The following GPR158 variants were observed in gnomAD, a reference collection of about 807,000 sequenced individuals.
GPR158 encodes the protein G protein-coupled receptor 158, also known as metabotropic glycine receptor.
A neutral mutation model predicts 78.2 loss-of-function variants in GPR158; 30 were observed. That is an observed-to-expected ratio of 0.38 (90% confidence interval 0.29 to 0.52). The LOEUF (loss-of-function observed/expected upper bound fraction) is 0.52, where lower values mean the gene tolerates loss of function less well. Among genes scored for constraint, GPR158 ranks in the 20% least tolerant of loss-of-function variants. The pLI, the probability that GPR158 is intolerant of heterozygous loss-of-function variation, is 0.83. For missense variants in GPR158, 1,463 were observed against 1,523.5 expected (o/e 0.96, Z 0.66); for synonymous variants, 581 against 591.1 (o/e 0.98, Z 0.25).
At chr10:25,197,141 C>G (rs1852854666) in intron 1 of GPR158, among the ~76,000 whole-genome samples, 1 of 152,190 alleles carries the variant, frequency 6.6e-6, no homozygotes, top group African/African-American at 2.4e-5. Context: ...ATGATCTGTT[C>G]ACTATTTTAA....
In GPR158 at chr10:25,594,415, CT is replaced by C. The variant is rs137902206; in HGVS notation, c.1998+28del. On this transcript the variant is annotated intron_variant, in intron 9 of 10. Coordinates refer to ENST00000376351, the MANE Select transcript of GPR158 (RefSeq NM_020752.3). ...TTCCAAAGGTATTCTTCTAATATTA[CT>C]TTTTTTTTTGCAAAACTTATTTTTA... 9,931 of 1,028,584 alleles carry C rather than the reference CT, an allele frequency of 9.7e-3. 27 individuals carry two copies. Among genetic ancestry groups the C allele is most frequent in the African/African-American group, 0.035 (2,065 of 59,850 alleles). The allele number at this position is 1,028,584 out of a possible 1,614,324, so 63.7% of individuals were successfully genotyped here. A position where few individuals can be genotyped will look rare whatever the true frequency, so the allele number is the denominator to read the frequency against.
intron 3 of GPR158, among the ~76,000 whole-genome samples, chr10:25,399,154 C>T (rs569784567): frequency 3.9e-5 from 6 of 151,964 alleles, no homozygotes; most frequent in East Asian, 1.9e-4. Context: ...GAATGAGTGT[C>T]GAGCGAAGGG....
At chr10:25,212,874 C>G (rs1265985542) in intron 1 of GPR158, among the ~76,000 whole-genome samples, 1 of 152,142 alleles carries the variant, frequency 6.6e-6, no homozygotes, top group Non-Finnish European at 1.5e-5. Context: ...TTGTGATCCA[C>G]CCGCCTTGGC....
intron 7 of GPR158, among the ~76,000 whole-genome samples, chr10:25,580,969 C>G (rs1837189017): frequency 7.9e-6 from 1 of 125,902 alleles, no homozygotes; most frequent in Non-Finnish European, 1.7e-5. Flanking sequence ...CCAGGCCAGA[C>G]TGCGGACTGC....
intron 2 of GPR158, among the ~76,000 whole-genome samples, chr10:25,260,295 G>GGC (rs2130732758): frequency 6.6e-6 from 1 of 152,148 alleles, no homozygotes; most frequent in Non-Finnish European, 1.5e-5. Flanking sequence ...CCTTCAAGGA[G>GGC]GCTAATTTTG....
At chr10:25,351,433 G>A (rs938317902) in intron 2 of GPR158, among the ~76,000 whole-genome samples, 1 of 151,242 alleles carries the variant, frequency 6.6e-6, no homozygotes, top group African/African-American at 2.4e-5. Flanking sequence ...GTTGGGGGTG[G>A]GGGGGTGCTG....
intron 1 of GPR158, among the ~76,000 whole-genome samples, chr10:25,183,020 C>G (rs1017961800): frequency 2.6e-5 from 4 of 152,208 alleles, no homozygotes; most frequent in African/African-American, 9.7e-5. Flanking sequence ...TTTCCCAGCA[C>G]AGCAATGTCA....
intron 5 of GPR158, among the ~76,000 whole-genome samples, chr10:25,495,155 T>A (rs1350999335): frequency 6.6e-6 from 1 of 152,012 alleles, no homozygotes; most frequent in African/African-American, 2.4e-5. Context: ...CTAACTTTTT[T>A]TTTTTTTTTA....
At position 25,580,986 on chromosome 10, in the gene GPR158, G is replaced by A. The variant is rs1220350451; in HGVS notation, c.1754-8021G>A. Reference sequence around the variant, plus strand: ...AGGCCAGACTGCGGACTGCAGTGGCGCAATCTCGGCTCACTGCAAGCTCCG... The same window carrying A: ...AGGCCAGACTGCGGACTGCAGTGGCACAATCTCGGCTCACTGCAAGCTCCG... On this transcript the variant is annotated intron_variant, in intron 7 of 10. Coordinates refer to ENST00000376351, the MANE Select transcript of GPR158 (RefSeq NM_020752.3). 6.9e-5 allele frequency among the ~76,000 whole-genome samples: 10 copies of A among 145,216 alleles called. No homozygotes were observed. The East Asian group carries it at 1.4e-3, about 20-fold the overall frequency.
chr10:25,560,561 A>G (rs1054591129), intron 6 of GPR158, among the ~76,000 whole-genome samples: 1 of 152,194 alleles, frequency 6.6e-6, no homozygotes, highest in Non-Finnish European at 1.5e-5. Context: ...CATTGCGCCC[A>G]TCCTAAAATA....
intron 1 of GPR158, among the ~76,000 whole-genome samples, chr10:25,206,704 A>G (rs1853043223): frequency 6.6e-6 from 1 of 152,080 alleles, no homozygotes; most frequent in African/African-American, 2.4e-5. Context: ...CTGTAGCACT[A>G]TTCTTACTGG....
intron 1 of GPR158, among the ~76,000 whole-genome samples, chr10:25,214,618 A>G (rs988004278): frequency 6.6e-6 from 1 of 152,096 alleles, no homozygotes; most frequent in Non-Finnish European, 1.5e-5. Context: ...CAAAATTGAT[A>G]TGTTGCACTC....
At chr10:25,466,748 A>G in intron 5 of GPR158, 29 bp downstream of exon 5, 1 of 1,314,958 alleles carries the variant, frequency 7.6e-7, no homozygotes, top group South Asian at 1.2e-5. Context: ...TTTTTAAAGT[A>G]GAAATTTATT....
chr10:25,430,689 G>A (rs1834890046), intron 4 of GPR158, among the ~76,000 whole-genome samples: 1 of 143,852 alleles, frequency 7.0e-6, no homozygotes, highest in African/African-American at 2.6e-5. Flanking sequence ...ACAGAACAGA[G>A]CCCTCAGAAA....
chr10:25,175,775 C>T lies in GPR158; in HGVS notation c.355C>T (p.His119Tyr), dbSNP rs1462036313. Residue 119 changes from histidine to tyrosine, a missense_variant, in exon 1 of 11, where the codon CAC (histidine) becomes TAC (tyrosine). Transcript: ENST00000376351. This position sits in a 1 kb window ranked among gnomAD's most constrained non-coding sequence, Gnocchi z 6.4. ...GAAGTGGCCAGCCCTGGCCAGCGCG[C>T]ACCCCTCCTTGCACCGGGCGCTGGA... ...PGKWPALASA[H>Y]PSLHRALDTL... 1 of 1,611,174 alleles carries T rather than the reference C, an allele frequency of 6.2e-7. No individual in the cohort carries two copies. Among genetic ancestry groups the T allele is most frequent in the East Asian group, 2.2e-5 (1 of 44,860 alleles).
At chr10:25,180,008 T>C (rs1852594373) in intron 1 of GPR158, among the ~76,000 whole-genome samples, 1 of 152,204 alleles carries the variant, frequency 6.6e-6, no homozygotes, top group Non-Finnish European at 1.5e-5. Context: ...GTGGTTGGAA[T>C]TGTTCAGTGC....
At chr10:25,531,041 ATCTT>A (rs1184179047) in intron 5 of GPR158, among the ~76,000 whole-genome samples, 1 of 152,210 alleles carries the variant, frequency 6.6e-6, no homozygotes, top group African/African-American at 2.4e-5. Context: ...ATGTCTAGGG[ATCTT>A]TTGAAGATTA....
intron 2 of GPR158, among the ~76,000 whole-genome samples, chr10:25,299,474 T>C (rs1465286416): frequency 1.3e-5 from 2 of 152,212 alleles, no homozygotes; most frequent in African/African-American, 4.8e-5. Context: ...ATTCCACATA[T>C]AAGTGAAATC....
chr10:25,598,052 A>C lies in GPR158; in HGVS notation c.2426A>C (p.Asn809Thr), dbSNP rs780585067. ...TGKSKEETLK[N>T]RVFSLKKSHS... The stretch of plus-strand genomic sequence containing the variant: ...AAATCCAAGGAGGAGACCCTGAAAA[A>C]CCGAGTCTTCTCACTCAAGAAATCC... The change falls in exon 11 of 11, where the codon AAC becomes ACC. Residue 809 changes from asparagine (N) to threonine (T), a missense_variant. Physicochemically the swap from Asn to Thr is moderately conservative, Grantham distance 65. Coordinates refer to ENST00000376351, the MANE Select transcript of GPR158 (RefSeq NM_020752.3). 18 of 1,613,920 alleles carry C rather than the reference A, an allele frequency of 1.1e-5. No homozygotes were observed. The Admixed American group carries it at 2.8e-4, about 25-fold the overall frequency.
Sources: gnomAD v4.1 joint callset for allele counts (sites outside exome capture counted in the v4.1 genomes callset) on GRCh38, gnomAD v4.1.1 for gene constraint, Gnocchi (gnomAD v3.1) non-coding constraint, MANE v1.5 for transcripts, NCBI Gene and HGNC (gene_info 2026-07-23, HGNC 2026-07-21) for gene names.